PLAAT5: variants seen among roughly 807,000 people sequenced by gnomAD.
The protein encoded by PLAAT5 is phospholipase A and acyltransferase 5.
In PLAAT5, 27 loss-of-function variants were observed where a neutral mutation model predicts 27.8. The observed-to-expected ratio is 0.97, with a 90% CI of 0.72 to 1.34. The LOEUF is 1.34. PLAAT5 is among the 40% of genes most tolerant of loss of function. PLAAT5 has a pLI of 0.00. For missense variants in PLAAT5, 368 were observed against 343.8 expected, an observed-to-expected ratio of 1.07 and a Z score of -0.56; for synonymous variants, 125 against 136.1, an observed-to-expected ratio of 0.92 and a Z score of 0.57.
intron 3 of PLAAT5, among the ~76,000 whole-genome samples, chr11:63,484,962 G>A (rs1449328530): frequency 6.6e-6 from 1 of 151,866 alleles, no homozygotes; most frequent in Non-Finnish European, 1.5e-5. Context: ...CAAAATTATT[G>A]TACACAAATC....
intron 4 of PLAAT5, 150 bp from the exon 5 acceptor site, chr11:63,466,522 C>T: frequency 1.2e-6 from 1 of 811,108 alleles, no homozygotes; most frequent in Non-Finnish European, 1.9e-6. Context: ...AATCAAAGAA[C>T]CGCAGAGAAT....
In PLAAT5 at chr11:63,488,851, A is replaced by T; in HGVS notation, c.345+20T>A. ...CAGGAGGTTAAAGATAGTCACTTTG[A>T]GAATTCTTGTTACACCTACCTCAGC... is the stretch of plus-strand genomic sequence containing the variant. On this transcript the variant is annotated intron_variant, in intron 3 of 5. Transcript: ENST00000540857. 6.5e-7 allele frequency: 1 copy of T among 1,548,114 alleles called. No individual in the cohort carries two copies.
chr11:63,480,225 A>G (rs142418362), intron 3 of PLAAT5, among the ~76,000 whole-genome samples: 1 of 152,320 alleles, frequency 6.6e-6, no homozygotes, highest in African/African-American at 2.4e-5. Flanking sequence ...CAAACAAGCA[A>G]TCAATCAAAT....
intron 3 of PLAAT5, among the ~76,000 whole-genome samples, chr11:63,483,822 T>TAC (rs1490721968): frequency 6.8e-5 from 7 of 103,344 alleles, no homozygotes; most frequent in Non-Finnish European, 1.4e-4. Flanking sequence ...TATATATATA[T>TAC]ATATATATAT....
chr11:63,462,428 T>A lies in PLAAT5; in HGVS notation c.*1075A>T, dbSNP rs1426313561. On this transcript the variant is annotated 3_prime_UTR_variant, in exon 6 of 6. Coordinates refer to ENST00000540857, the MANE Select transcript of PLAAT5 (RefSeq NM_001146729.2). Reference sequence around the variant, plus strand: ...TGTTGGGGAACAGGAGGCCATTGAGTTTAGATTGCTAAGAAAAGGATGGAG... The same window carrying A: ...TGTTGGGGAACAGGAGGCCATTGAGATTAGATTGCTAAGAAAAGGATGGAG... 1 of 152,134 alleles carries A rather than the reference T, an allele frequency of 6.6e-6. No homozygotes were observed. Among genetic ancestry groups the A allele is most frequent in the Non-Finnish European group, 1.5e-5 (1 of 68,044 alleles). 9.4% of individuals were successfully genotyped at this position (152,134 alleles called of 1,614,324 possible). A position where few individuals can be genotyped will look rare whatever the true frequency, so the allele number is the denominator to read the frequency against.
intron 3 of PLAAT5, among the ~76,000 whole-genome samples, chr11:63,483,152 A>G (rs1480522886): frequency 6.6e-6 from 1 of 151,962 alleles, no homozygotes; most frequent in African/African-American, 2.4e-5. Context: ...GCAACACAGT[A>G]ATAGTGGGGG....
At chr11:63,472,778 A>G (rs1264087255) in intron 3 of PLAAT5, among the ~76,000 whole-genome samples, 3 of 152,154 alleles carry the variant, frequency 2.0e-5, no homozygotes, top group African/African-American at 4.8e-5. Flanking sequence ...TTAGCCTTAT[A>G]TTCTGCAACT....
In PLAAT5 at chr11:63,490,978, G is replaced by A. The variant is rs200660923; in HGVS notation, c.57C>T (p.Pro19=). 1.2e-5 allele frequency: 19 copies of A among 1,571,634 alleles called. No individual in the cohort carries two copies. The East Asian group carries it at 4.1e-4, about 34-fold the overall frequency. ...GCGAGGCGGGTTTGGGGAGGGGTGG[G>A]GGAATCCTAGGGAGGCGGAGCGCGT... The part of the protein sequence containing the change: ...GEYALRLPRI[P]PPLPKPASRT... Residue 19 remains proline (P), a synonymous_variant, in exon 1 of 6, where the codon CCC becomes CCT. Transcript: ENST00000540857.
intron 3 of PLAAT5, among the ~76,000 whole-genome samples, chr11:63,468,991 C>T (rs1010895365): frequency 2.6e-5 from 4 of 152,148 alleles, no homozygotes; most frequent in Admixed American, 1.3e-4. Context: ...AGGGCCCCCA[C>T]GTGACCCACC....
At position 63,483,799 on chromosome 11, in the gene PLAAT5, A is replaced by ATATATG. The variant is rs1345151285; in HGVS notation, c.345+5071_345+5072insCATATA. ...GCAAAAAAAAAATATATATATATAT[A>ATATATG]TGTATATATATATATATATATATAT... On this transcript the variant is annotated intron_variant, in intron 3 of 5. Transcript: ENST00000540857. 3.7e-4 allele frequency among the ~76,000 whole-genome samples: 19 copies of ATATATG among 50,794 alleles called. No homozygotes were observed. In the African/African-American group the frequency reaches 4.4e-3, roughly 12 times the overall value. The allele number at this position is 50,794 out of a possible 152,430, so 33.3% of individuals were successfully genotyped here.
chr11:63,465,377 T>A (rs1308723484), intron 5 of PLAAT5, among the ~76,000 whole-genome samples: 1 of 122,048 alleles, frequency 8.2e-6, no homozygotes, highest in Non-Finnish European at 1.6e-5. Context: ...AAAAAGTGTG[T>A]GTGTGTGTGT....
At chr11:63,469,929 A>C (rs2015976110) in intron 3 of PLAAT5, 1 of 152,400 alleles carries the variant, frequency 6.6e-6, no homozygotes, top group East Asian at 1.9e-4. Context: ...TCCACTAAAA[A>C]TACAAAAAAA....
intron 3 of PLAAT5, among the ~76,000 whole-genome samples, chr11:63,475,371 T>A (rs1389471853): frequency 6.6e-6 from 1 of 152,142 alleles, no homozygotes; most frequent in Non-Finnish European, 1.5e-5. Context: ...ATCTTCCTGA[T>A]GAATTCACCT....
At chr11:63,480,808 C>T (rs948269036) in intron 3 of PLAAT5, among the ~76,000 whole-genome samples, 6 of 152,198 alleles carry the variant, frequency 3.9e-5, no homozygotes, top group African/African-American at 1.4e-4. Flanking sequence ...TCATGAGCCA[C>T]AGAGTAGCTG....
chr11:63,475,223 T>A (rs998335025), intron 3 of PLAAT5, among the ~76,000 whole-genome samples: 1 of 152,100 alleles, frequency 6.6e-6, no homozygotes, highest in Non-Finnish European at 1.5e-5. Context: ...AGTTGTTCTA[T>A]CCACTATTGA....
rs557876870 is a variant in PLAAT5, at chr11:63,464,393, C to T, written c.718-798G>A. Among the ~76,000 whole-genome samples the T allele has an allele frequency of 1.8e-3, 281 of 152,278 alleles. 13 individuals carry two copies. The South Asian group carries it at 0.056, about 30-fold the overall frequency. ...GGATAATAGGTTGGGTGTGGTGGCT[C>T]ACGCCTGTAATCCCAGCACTTTGGG... On this transcript the variant is annotated intron_variant, in intron 5 of 5. Coordinates refer to ENST00000540857, the MANE Select transcript of PLAAT5 (RefSeq NM_001146729.2).
intron 3 of PLAAT5, among the ~76,000 whole-genome samples, chr11:63,488,071 A>G (rs977106075): frequency 1.2e-4 from 18 of 152,310 alleles, no homozygotes; most frequent in African/African-American, 3.8e-4. Context: ...CGTGAGCCCA[A>G]GAGGCAGAGC....
chr11:63,478,173 A>C (rs2016196140), intron 3 of PLAAT5, among the ~76,000 whole-genome samples: 1 of 152,304 alleles, frequency 6.6e-6, no homozygotes, highest in Non-Finnish European at 1.5e-5. Context: ...ATGGAAGTAA[A>C]GTCAGTCACC....
chr11:63,483,834 T>C (rs1182706844), intron 3 of PLAAT5, among the ~76,000 whole-genome samples: 3 of 114,508 alleles, frequency 2.6e-5, no homozygotes, highest in Non-Finnish European at 5.4e-5. Flanking sequence ...TATATATATA[T>C]ATATATATAC....
Sources: gnomAD v4.1 joint callset for allele counts (sites outside exome capture counted in the v4.1 genomes callset) on GRCh38, gnomAD v4.1.1 for gene constraint, MANE v1.5 for transcripts, NCBI Gene and HGNC (gene_info 2026-07-23, HGNC 2026-07-21) for gene names.